Variants in BRWD3 observed in about 807,000 individuals in gnomAD.
BRWD3 encodes the protein bromodomain and WD repeat domain containing 3, also known as bromodomain and WD repeat-containing protein 3.
Under a neutral mutation model 149.7 loss-of-function variants are expected in BRWD3, and 10 were observed. The observed-to-expected ratio is 0.07, with a 90% confidence interval of 0.04 to 0.11. The LOEUF (loss-of-function observed/expected upper bound fraction) is 0.11, where lower values mean the gene tolerates loss of function less well. BRWD3 is among the 10% of genes least tolerant of loss of function. The probability of loss-of-function intolerance (pLI) is 1.00; values close to 1 mark genes in which losing one functional copy is unlikely to be tolerated. For missense variants in BRWD3, 940 were observed against 1,373.2 expected (o/e 0.68, Z 4.99); for synonymous variants, 504 against 456.7 (o/e 1.10, Z -1.32).
chrX:80,789,450 A>G (rs1423451645), intron 6 of BRWD3, among the ~76,000 whole-genome samples: 2 of 110,808 alleles, frequency 1.8e-5, no homozygotes, highest in Non-Finnish European at 3.8e-5. Context: ...ATCTCGGTTC[A>G]CTGCAAGCTC....
chrX:80,736,080 T>G lies in BRWD3; in HGVS notation c.822A>C (p.Pro274=). The part of the protein sequence containing the change: ...SASITSIQFC[P]STKGTNRYLT... ...GGTATCTGTTTGTGCCTTTAGTTGATGGACAAAACTTAAAAAAAAAAAAAT... is the reference window on the plus strand; with the variant it reads ...GGTATCTGTTTGTGCCTTTAGTTGAGGGACAAAACTTAAAAAAAAAAAAAT... The change falls in exon 9 of 41, where the codon CCA becomes CCC. Residue 274 remains proline, a synonymous_variant. Coordinates refer to ENST00000373275, the MANE Select transcript of BRWD3 (RefSeq NM_153252.5). 2 of 1,164,633 alleles carry G rather than the reference T, an allele frequency of 1.7e-6. No homozygotes were observed. The highest frequency in any genetic ancestry group is 2.3e-6 in the Non-Finnish European group (2 of 862,744).
chrX:80,775,553 G>A (rs1414885852), intron 6 of BRWD3, among the ~76,000 whole-genome samples: 1 of 111,935 alleles, frequency 8.9e-6, no homozygotes, highest in African/African-American at 3.2e-5. Flanking sequence ...GCAAATATGT[G>A]TATTGTAAAG....
intron 3 of BRWD3, 59 bp from the exon 4 acceptor site, chrX:80,808,657 C>A: frequency 9.4e-7 from 1 of 1,061,416 alleles, no homozygotes; most frequent in Non-Finnish European, 1.3e-6. Flanking sequence ...GAAAAGCCTC[C>A]GCTCCCCATC....
At chrX:80,726,164 CAT>C (rs1417590139) in intron 14 of BRWD3, among the ~76,000 whole-genome samples, 5 of 106,072 alleles carry the variant, frequency 4.7e-5, no homozygotes, top group African/African-American at 6.8e-5. Flanking sequence ...AACACGTTTA[CAT>C]GTTATATGTC....
At chrX:80,710,564 T>C in intron 20 of BRWD3, 1 of 440,732 alleles carries the variant, frequency 2.3e-6, no homozygotes, top group East Asian at 5.1e-5. Context: ...TTGCTGGTAA[T>C]AATTTGGAGT....
In BRWD3 at chrX:80,681,446, C is replaced by A. The variant is rs1218410904; in HGVS notation, c.4549G>T (p.Gly1517Trp). 8.3e-7 allele frequency: 1 copy of A among 1,208,796 alleles called. No homozygotes were observed. The highest frequency in any genetic ancestry group is 2.2e-5 in the Admixed American group (1 of 45,849). Residue 1517 changes from glycine to tryptophan, a missense_variant, in exon 40 of 41, where the codon GGG (glycine) becomes TGG (tryptophan). Around this residue, in one of 6 missense-constraint regions of BRWD3, gnomAD observed 349 missense variants for 419.6 expected, o/e 0.83. Coordinates refer to ENST00000373275, the MANE Select transcript of BRWD3 (RefSeq NM_153252.5). ...SLYLLDDEPDGPFSSSSFGGY... is the reference protein window; with the variant it reads ...SLYLLDDEPDWPFSSSSFGGY... ...CCGAAGCTCGATGAAGAAAATGGCC[C>A]ATCTGGCTCATCATCAAGTAGATAT...
At position 80,673,311 on chromosome X, in the gene BRWD3, A is replaced by C. The variant is rs1392679902; in HGVS notation, c.*3298T>G. On this transcript the variant is annotated 3_prime_UTR_variant, in exon 41 of 41. Transcript: ENST00000373275. ...AAGAAAAAAAATTAAAAAGGGAAAT[A>C]AAAAGAATAGAGGGACACAGGTATA... is the stretch of plus-strand genomic sequence containing the variant. 1 of 111,263 alleles carries C rather than the reference A, an allele frequency of 9.0e-6. No homozygotes were observed. Among genetic ancestry groups the C allele is most frequent in the Non-Finnish European group, 1.9e-5 (1 of 53,021 alleles). 9.2% of individuals were successfully genotyped at this position (111,263 alleles called of 1,213,427 possible). A position where few individuals can be genotyped will look rare whatever the true frequency, so the allele number is the denominator to read the frequency against.
intron 13 of BRWD3, among the ~76,000 whole-genome samples, chrX:80,729,110 A>T (rs1569264740): frequency 9.0e-6 from 1 of 111,718 alleles, no homozygotes; most frequent in East Asian, 2.8e-4. Context: ...AGGGAGAAAA[A>T]AAGACCCTAA....
intron 6 of BRWD3, among the ~76,000 whole-genome samples, chrX:80,788,843 T>TA (rs946833674): frequency 4.5e-5 from 5 of 112,001 alleles, no homozygotes; most frequent in Middle Eastern, 4.6e-3. Context: ...CAGACAGACA[T>TA]AAAAGGCTAC....
At chrX:80,708,070 C>T (rs1401115652) in intron 21 of BRWD3, among the ~76,000 whole-genome samples, 1 of 112,058 alleles carries the variant, frequency 8.9e-6, no homozygotes, top group Non-Finnish European at 1.9e-5. Flanking sequence ...TTTAAAAGTA[C>T]AACCGCAATG....
intron 4 of BRWD3, among the ~76,000 whole-genome samples, chrX:80,795,141 A>G (rs2074223569): frequency 9.0e-6 from 1 of 111,500 alleles, no homozygotes; most frequent in African/African-American, 3.3e-5. Context: ...ATAAAACAAC[A>G]AAAATCGTGT....
At chrX:80,761,008 G>A (rs2073796724) in intron 6 of BRWD3, among the ~76,000 whole-genome samples, 1 of 110,916 alleles carries the variant, frequency 9.0e-6, no homozygotes, top group South Asian at 3.8e-4. Context: ...GATCTTGTCA[G>A]TGAACTCCAG....
intron 3 of BRWD3, 59 bp from the exon 4 acceptor site, chrX:80,808,657 C>T (rs2074375082): frequency 9.4e-7 from 1 of 1,061,416 alleles, no homozygotes; most frequent in East Asian, 3.0e-5. Flanking sequence ...GAAAAGCCTC[C>T]GCTCCCCATC....
At position 80,681,420 on chromosome X, in the gene BRWD3, A is replaced by G; in HGVS notation, c.4575T>C (p.Gly1525=). ...GGCTATTTCCACTTCGGCTATATCC[A>G]CCGAAGCTCGATGAAGAAAATGGCC... ...PDGPFSSSSF[G]GYSRSGNSHD... Residue 1525 remains glycine, a synonymous_variant, in exon 40 of 41, where the codon GGT becomes GGC. Transcript: ENST00000373275. 1 of 1,209,591 alleles carries G rather than the reference A, an allele frequency of 8.3e-7. No homozygotes were observed. Among genetic ancestry groups the G allele is most frequent in the Admixed American group, 2.2e-5 (1 of 45,885 alleles).
intron 4 of BRWD3, among the ~76,000 whole-genome samples, chrX:80,795,850 G>T (rs957987972): frequency 1.8e-5 from 2 of 110,954 alleles, no homozygotes; most frequent in Admixed American, 9.6e-5. Context: ...AGGATTGCTT[G>T]AGCCCACGAG....
intron 40 of BRWD3, among the ~76,000 whole-genome samples, chrX:80,678,772 A>T (rs1376730974): frequency 8.9e-6 from 1 of 111,846 alleles, no homozygotes. Flanking sequence ...AGGGCTGTAG[A>T]TAATTACAAG....
chrX:80,693,142 T>C, intron 27 of BRWD3, 91 bp from the exon 28 acceptor site: 2 of 665,479 alleles, frequency 3.0e-6, no homozygotes, highest in Non-Finnish European at 4.9e-6. Context: ...ACAACAGAAG[T>C]ACTGTATCTA....
chrX:80,709,639 A>T (rs1271676683), intron 20 of BRWD3, 62 bp from the exon 21 acceptor site: 1 of 1,067,532 alleles, frequency 9.4e-7, no homozygotes, highest in Non-Finnish European at 1.3e-6. Context: ...CACAAGGAAC[A>T]TATATAAAGC....
At chrX:80,715,699 T>C (rs1163897815) in intron 20 of BRWD3, among the ~76,000 whole-genome samples, 1 of 112,136 alleles carries the variant, frequency 8.9e-6, no homozygotes, top group Non-Finnish European at 1.9e-5. Context: ...AATTCTGTCT[T>C]ACAGCCTGAA....
Sources: allele counts gnomAD v4.1 joint callset (sites outside exome capture counted in the v4.1 genomes callset), GRCh38; gene constraint gnomAD v4.1.1; regional missense constraint gnomAD v4.1.1; transcripts MANE v1.5; gene names NCBI Gene and HGNC (gene_info 2026-07-23, HGNC 2026-07-21).